HBS1L: variants seen among roughly 807,000 people sequenced by gnomAD.
The protein encoded by HBS1L is HBS1 like translational GTPase.
In HBS1L, 55 loss-of-function variants were observed where a neutral mutation model predicts 88.9. The observed-to-expected ratio is 0.62, with a 90% CI of 0.50 to 0.77. HBS1L has a LOEUF of 0.77. Among genes scored for constraint, HBS1L ranks in the 30% least tolerant of loss-of-function variants. The pLI is 0.00. For missense variants in HBS1L, 741 were observed against 829.3 expected (o/e 0.89, Z 1.31); for synonymous variants, 267 against 288.5 (o/e 0.93, Z 0.76).
intron 6 of HBS1L, 134 bp downstream of exon 6, chr6:134,997,263 G>T: frequency 1.0e-6 from 1 of 1,004,746 alleles, no homozygotes. Flanking sequence ...TGACTAGAAA[G>T]CATTATGAGA....
In HBS1L at chr6:135,016,932, T is replaced by C. The variant is rs576758478; in HGVS notation, c.431-14090A>G. On this transcript the variant is annotated intron_variant, in intron 4 of 17. Transcript: ENST00000367837. ...CTTGCTCCTCCCTTTTAAAAAGCACTGTCACTAGGAGACACTGATGCTGAC... is the reference window on the plus strand; with the variant it reads ...CTTGCTCCTCCCTTTTAAAAAGCACCGTCACTAGGAGACACTGATGCTGAC... 3.9e-5 allele frequency among the ~76,000 whole-genome samples: 6 copies of C among 152,270 alleles called. No homozygotes were observed. The South Asian group carries it at 1.2e-3, about 32-fold the overall frequency.
At chr6:135,023,272 G>A (rs1296983968) in intron 4 of HBS1L, among the ~76,000 whole-genome samples, 7 of 151,970 alleles carry the variant, frequency 4.6e-5, no homozygotes, top group Non-Finnish European at 8.8e-5. Flanking sequence ...GTGAAACCCC[G>A]TCTCTTCTAA....
At chr6:135,045,768 A>G (rs985497967) in intron 2 of HBS1L, among the ~76,000 whole-genome samples, 3 of 151,898 alleles carry the variant, frequency 2.0e-5, no homozygotes, top group Non-Finnish European at 4.4e-5. Flanking sequence ...CTGGGAGCCA[A>G]GTGGAGGTTG....
At chr6:134,972,570 A>C (rs1218936090) in intron 15 of HBS1L, among the ~76,000 whole-genome samples, 1 of 152,238 alleles carries the variant, frequency 6.6e-6, no homozygotes, top group African/African-American at 2.4e-5. Context: ...CCAAAAACAT[A>C]GGCAACAAAG....
chr6:135,053,776 G>GT, intron 1 of HBS1L, among the ~76,000 whole-genome samples: 1 of 152,246 alleles, frequency 6.6e-6, no homozygotes, highest in East Asian at 1.9e-4. Context: ...TCCTGCATTA[G>GT]TTCATTTTTG....
intron 8 of HBS1L, among the ~76,000 whole-genome samples, chr6:134,990,226 T>C (rs1775093017): frequency 6.6e-6 from 1 of 152,210 alleles, no homozygotes; most frequent in South Asian, 2.1e-4. Flanking sequence ...TTCTAGGCAA[T>C]AGCTCTTGTC....
chr6:135,029,006 A>T (rs1430260335), intron 4 of HBS1L, among the ~76,000 whole-genome samples: 1 of 152,130 alleles, frequency 6.6e-6, no homozygotes, highest in African/African-American at 2.4e-5. Context: ...CTAAAAAGCT[A>T]TAGTAATTTA....
chr6:135,037,209 T>C (rs1776581550), intron 4 of HBS1L: 1 of 1,551,756 alleles, frequency 6.4e-7, no homozygotes, highest in Admixed American at 2.0e-5. Context: ...TTGCTAATTG[T>C]GACAGGGGAA....
intron 16 of HBS1L, among the ~76,000 whole-genome samples, chr6:134,968,098 T>A (rs1774368801): frequency 6.6e-6 from 1 of 152,128 alleles, no homozygotes; most frequent in Non-Finnish European, 1.5e-5. Context: ...TTTGGCCTCT[T>A]CTGCAGGTGT....
rs368172617 is a variant in HBS1L at position 135,031,037 on chromosome 6, T to G, written c.430+8536A>C. Among the ~76,000 whole-genome samples the G allele has an allele frequency of 5.0e-4, 76 of 152,244 alleles. 1 individual carries two copies. In the South Asian group the frequency reaches 0.013, roughly 27 times the overall value. The stretch of plus-strand genomic sequence containing the variant: ...TGTCGCATTTTTTCCAGTTTTGTAC[T>G]TTTTGTTGGTAATTTTGTACTTTTT... On this transcript the variant is annotated intron_variant, in intron 4 of 17. Coordinates refer to ENST00000367837, the MANE Select transcript of HBS1L (RefSeq NM_006620.4).
At chr6:135,011,702 C>A (rs969357467) in intron 4 of HBS1L, among the ~76,000 whole-genome samples, 1 of 151,904 alleles carries the variant, frequency 6.6e-6, no homozygotes, top group African/African-American at 2.4e-5. Flanking sequence ...GTCAGGAGTT[C>A]GAGACCAGTC....
chr6:135,054,787 T>C lies in HBS1L; in HGVS notation c.-96A>G, dbSNP rs890945368. On this transcript the variant is annotated 5_prime_UTR_variant, in exon 1 of 18. It adds an upstream start codon to the 5' untranslated region. Coordinates refer to ENST00000367837, the MANE Select transcript of HBS1L (RefSeq NM_006620.4). ...CGCCAACTGCAGCCTGGAGAACCCCTATGCGCCATCTTGGCTTCCCGCAGG... is the reference window on the plus strand; with the variant it reads ...CGCCAACTGCAGCCTGGAGAACCCCCATGCGCCATCTTGGCTTCCCGCAGG... 158 of 1,461,344 alleles carry C rather than the reference T, an allele frequency of 1.1e-4. No individual in the cohort carries two copies. The highest frequency in any genetic ancestry group is 1.4e-5 in the African/African-American group (1 of 71,718). 90.5% of individuals were successfully genotyped at this position (1,461,344 alleles called of 1,614,324 possible). A position where few individuals can be genotyped will look rare whatever the true frequency, so the allele number is the denominator to read the frequency against.
intron 4 of HBS1L, 57 bp from the exon 5 acceptor site, chr6:135,002,899 T>C: frequency 1.0e-6 from 1 of 956,420 alleles, no homozygotes; most frequent in East Asian, 2.7e-5. Context: ...TATAAAGAAA[T>C]CTATTACATA....
intron 4 of HBS1L, among the ~76,000 whole-genome samples, chr6:135,025,106 G>A (rs1255112178): frequency 6.6e-6 from 1 of 152,152 alleles, no homozygotes; most frequent in Admixed American, 6.5e-5. Context: ...TCCAGTTTAA[G>A]AGCCAATGCA....
intron 2 of HBS1L, among the ~76,000 whole-genome samples, chr6:135,048,832 G>A (rs1203649732): frequency 6.6e-6 from 1 of 152,206 alleles, no homozygotes; most frequent in Non-Finnish European, 1.5e-5. Flanking sequence ...TAAGCTAAAT[G>A]AGAAAAGTAC....
rs1774230642 is a variant in HBS1L, at chr6:134,963,448, C to T, written c.*1831G>A. The T allele has an allele frequency of 2.0e-5, 3 of 152,154 alleles. No individual in the cohort carries two copies. The South Asian group carries it at 6.2e-4, about 32-fold the overall frequency. 9.4% of individuals were successfully genotyped at this position (152,154 alleles called of 1,614,324 possible). ...ATGGGTGGCAGGGTGACAGGTCTTG[C>T]TCTGTCACCCAGGCTGGACTGCAGT... On this transcript the variant is annotated 3_prime_UTR_variant, in exon 18 of 18. Coordinates refer to ENST00000367837, the MANE Select transcript of HBS1L (RefSeq NM_006620.4).
At chr6:134,995,568 T>C (rs1042138326) in intron 7 of HBS1L, among the ~76,000 whole-genome samples, 5 of 151,872 alleles carry the variant, frequency 3.3e-5, no homozygotes, top group Non-Finnish European at 7.4e-5. Flanking sequence ...TCAACTAAGA[T>C]ACTAGGTAAA....
At chr6:135,016,572 TA>T (rs1775928161) in intron 4 of HBS1L, among the ~76,000 whole-genome samples, 2 of 152,202 alleles carry the variant, frequency 1.3e-5, no homozygotes, top group South Asian at 4.1e-4. Flanking sequence ...CTATCAACTT[TA>T]AGTCACACAT....
intron 4 of HBS1L, among the ~76,000 whole-genome samples, chr6:135,007,136 A>G (rs1775636645): frequency 6.6e-6 from 1 of 152,184 alleles, no homozygotes. Context: ...AAAAATTACA[A>G]TGTGATCCTG....
Sources: gnomAD v4.1 joint callset for allele counts (sites outside exome capture counted in the v4.1 genomes callset) on GRCh38, gnomAD v4.1.1 for gene constraint, MANE v1.5 for transcripts, NCBI Gene and HGNC (gene_info 2026-07-23, HGNC 2026-07-21) for gene names.